EXOC6: variants seen among roughly 807,000 people sequenced by gnomAD.
EXOC6 encodes exocyst complex component 6.
A neutral mutation model predicts 112.5 loss-of-function variants in EXOC6; 60 were observed. That is an observed-to-expected ratio of 0.53 (90% CI 0.43 to 0.66). The LOEUF (loss-of-function observed/expected upper bound fraction) is 0.66, where lower values mean the gene tolerates loss of function less well. Ranked by LOEUF, EXOC6 falls within the 30% of genes least tolerant of loss-of-function variation. EXOC6 has a pLI of 0.00. For missense variants in EXOC6, 855 were observed against 957.1 expected, an observed-to-expected ratio of 0.89 and a Z score of 1.41; for synonymous variants, 295 against 308.0, an observed-to-expected ratio of 0.96 and a Z score of 0.44.
chr10:92,835,881 T>A (rs2133573325), intron 1 of EXOC6, among the ~76,000 whole-genome samples: 1 of 152,322 alleles, frequency 6.6e-6, no homozygotes, highest in Admixed American at 6.5e-5. Context: ...TATCTGAGCA[T>A]CATAAATATT....
rs549421812 is a variant in EXOC6 at position 93,007,114 on chromosome 10, A to C, written c.2096-7080A>C. On this transcript the variant is annotated intron_variant, in intron 19 of 21. Coordinates refer to ENST00000260762, the MANE Select transcript of EXOC6 (RefSeq NM_019053.6). Reference sequence around the variant, plus strand: ...CTGTCTGCCTAGAACAAGATTTTTCAAGGACTTCTGAGTTTAATTCCCTCT... The same window carrying C: ...CTGTCTGCCTAGAACAAGATTTTTCCAGGACTTCTGAGTTTAATTCCCTCT... 2.6e-5 allele frequency among the ~76,000 whole-genome samples: 4 copies of C among 152,252 alleles called. No homozygotes were observed. The South Asian group carries it at 6.2e-4, about 24-fold the overall frequency.
chr10:93,025,534 A>G (rs1233727407), intron 20 of EXOC6, among the ~76,000 whole-genome samples: 1 of 152,198 alleles, frequency 6.6e-6, no homozygotes, highest in Non-Finnish European at 1.5e-5. Context: ...TTCTTCTTCC[A>G]AATATAATCC....
chr10:93,048,538 G>A (rs1015451071), intron 20 of EXOC6, among the ~76,000 whole-genome samples: 2 of 151,956 alleles, frequency 1.3e-5, no homozygotes, highest in African/African-American at 4.8e-5. Flanking sequence ...GTATACATAT[G>A]TAACTAACCT....
At chr10:93,047,099 G>A (rs2134355040) in intron 20 of EXOC6, among the ~76,000 whole-genome samples, 1 of 152,326 alleles carries the variant, frequency 6.6e-6, no homozygotes, top group South Asian at 2.1e-4. Context: ...TTGTGTTTTA[G>A]CTAGATCTCT....
In EXOC6 at chr10:92,843,358, T is replaced by C. The variant is rs556930987; in HGVS notation, c.86+8534T>C. On this transcript the variant is annotated intron_variant, in intron 1 of 21. Coordinates refer to the EXOC6 transcript ENST00000371552. ...TCTGAAACGAGTGGCTAAAAGCCAC[T>C]GGGAAGGATTAGTTTATCAGAGCCA... is the stretch of plus-strand genomic sequence containing the variant. 3.2e-4 allele frequency among the ~76,000 whole-genome samples: 48 copies of C among 152,338 alleles called. 1 individual carries two copies. The South Asian group carries it at 9.9e-3, about 32-fold the overall frequency.
intron 20 of EXOC6, among the ~76,000 whole-genome samples, chr10:93,030,620 T>G (rs1845229049): frequency 6.6e-6 from 1 of 152,194 alleles, no homozygotes; most frequent in African/African-American, 2.4e-5. Context: ...GATTCCTTAG[T>G]GACTCATCAA....
chr10:92,901,004 G>C (rs1234829313), intron 5 of EXOC6: 3 of 151,960 alleles, frequency 2.0e-5, no homozygotes, highest in Admixed American at 6.6e-5. Flanking sequence ...GTGCAGGTCA[G>C]TTCTCTTGTA....
intron 21 of EXOC6, 43 bp from the exon 22 acceptor site, chr10:93,058,180 T>C (rs1846633800): frequency 6.4e-7 from 1 of 1,574,530 alleles, no homozygotes; most frequent in East Asian, 2.3e-5. Context: ...GCTTAGCTTT[T>C]AATTTTCTTT....
intron 1 of EXOC6, among the ~76,000 whole-genome samples, chr10:92,843,467 T>C (rs1846931778): frequency 6.6e-6 from 1 of 152,188 alleles, no homozygotes; most frequent in East Asian, 1.9e-4. Flanking sequence ...TAAGAAACAT[T>C]TGAATGATGT....
At chr10:92,963,135 A>G (rs938429501) in intron 17 of EXOC6, among the ~76,000 whole-genome samples, 20 of 152,214 alleles carry the variant, frequency 1.3e-4, no homozygotes, top group Non-Finnish European at 2.8e-4. Flanking sequence ...TGGAATATAA[A>G]ATCATATTTA....
At chr10:92,964,522 A>G (rs992722782) in intron 17 of EXOC6, among the ~76,000 whole-genome samples, 2 of 152,196 alleles carry the variant, frequency 1.3e-5, no homozygotes, top group African/African-American at 2.4e-5. Context: ...AACTTTATCT[A>G]TTGCCTACAT....
In EXOC6 at chr10:93,031,608, G is replaced by A. The variant is rs545109815; in HGVS notation, c.2169+17341G>A. 3.1e-4 allele frequency among the ~76,000 whole-genome samples: 46 copies of A among 150,344 alleles called. No individual in the cohort carries two copies. In the South Asian group the frequency reaches 9.2e-3, roughly 30 times the overall value. ...GCTCACTGCAACCTCCGCCTCCCAGGTTCAAGCGATTTTCCTGCCTCAGCC... is the reference window on the plus strand; with the variant it reads ...GCTCACTGCAACCTCCGCCTCCCAGATTCAAGCGATTTTCCTGCCTCAGCC... On this transcript the variant is annotated intron_variant, in intron 20 of 21. Transcript: ENST00000260762.
At chr10:92,942,955 T>G (rs1852750615) in intron 13 of EXOC6, among the ~76,000 whole-genome samples, 1 of 152,116 alleles carries the variant, frequency 6.6e-6, no homozygotes, top group Non-Finnish European at 1.5e-5. Flanking sequence ...ATGTCAATTT[T>G]AACACAAAAT....
chr10:92,940,259 G>A (rs1852581868), intron 12 of EXOC6, among the ~76,000 whole-genome samples: 1 of 152,142 alleles, frequency 6.6e-6, no homozygotes, highest in African/African-American at 2.4e-5. Flanking sequence ...ATAAAATTCG[G>A]AAGTGTGAAT....
intron 18 of EXOC6, among the ~76,000 whole-genome samples, chr10:92,975,105 C>T (rs1842461961): frequency 1.3e-5 from 2 of 151,856 alleles, no homozygotes; most frequent in East Asian, 2.0e-4. Flanking sequence ...GGCCACCATC[C>T]CATCTAGGAA....
chr10:92,894,874 A>C, intron 3 of EXOC6, 33 bp downstream of exon 3: 1 of 1,611,264 alleles, frequency 6.2e-7, no homozygotes, highest in Non-Finnish European at 8.5e-7. Context: ...GGTATTCAGT[A>C]TGTAGTTGTT....
intron 20 of EXOC6, among the ~76,000 whole-genome samples, chr10:93,050,965 A>C (rs1846262107): frequency 6.6e-6 from 1 of 152,002 alleles, no homozygotes; most frequent in Non-Finnish European, 1.5e-5. Flanking sequence ...GTTTCATGAT[A>C]TGCTCCATTT....
chr10:92,918,819 T>G lies in EXOC6; in HGVS notation c.820-1163T>G, dbSNP rs150575480. ...GTAGTATATATGTAATATATTTGTG[T>G]GAATATGTATGCACATATGTGTATG... On this transcript the variant is annotated intron_variant, in intron 7 of 21. Transcript: ENST00000260762. 2.3e-3 allele frequency among the ~76,000 whole-genome samples: 356 copies of G among 152,292 alleles called. 2 individuals carry two copies. The highest frequency in any genetic ancestry group is 8.3e-3 in the African/African-American group (343 of 41,548).
intron 1 of EXOC6, among the ~76,000 whole-genome samples, chr10:92,836,254 T>C (rs1290526631): frequency 2.6e-5 from 4 of 152,232 alleles, no homozygotes; most frequent in Admixed American, 1.3e-4. Flanking sequence ...TGTCTGTCCT[T>C]AGAACTAACC....
Sources: allele counts gnomAD v4.1 joint callset (sites outside exome capture counted in the v4.1 genomes callset), GRCh38; gene constraint gnomAD v4.1.1; transcripts MANE v1.5; gene names NCBI Gene and HGNC (gene_info 2026-07-23, HGNC 2026-07-21).